Variants in ZNF208 observed in about 807,000 individuals in gnomAD.
ZNF208 encodes zinc finger protein 95.
In ZNF208, 10 loss-of-function variants were observed where a neutral mutation model predicts 12.1. The ratio of observed to expected loss-of-function variants is 0.83; its 90% CI spans 0.51 to 1.40. The LOEUF (loss-of-function observed/expected upper bound fraction) is 1.40. Ranked by LOEUF, ZNF208 falls within the 40% of genes most tolerant of loss-of-function variation. The pLI, the probability that ZNF208 is intolerant of heterozygous loss-of-function variation, is 0.00. For synonymous variants in ZNF208, 497 were observed against 488.4 expected (o/e 1.02, Z -0.23); for missense variants, 1,652 against 1,485.0 (o/e 1.11, Z -1.85).
intron 1 of ZNF208, among the ~76,000 whole-genome samples, chr19:22,003,217 A>C (rs1419367654): frequency 6.6e-6 from 1 of 152,236 alleles, no homozygotes; most frequent in Non-Finnish European, 1.5e-5. Flanking sequence ...TTAATCTTAA[A>C]AAGGATATAT....
chr19:21,952,525 G>T (rs1448964584), intron 4 of ZNF208, among the ~76,000 whole-genome samples: 1 of 152,216 alleles, frequency 6.6e-6, no homozygotes, highest in Admixed American at 6.5e-5. Flanking sequence ...TGATACCCAG[G>T]CACTCAGGGT....
chr19:21,973,796 G>C lies in ZNF208; in HGVS notation c.1238C>G (p.Thr413Ser). 6.2e-7 allele frequency: 1 copy of C among 1,605,270 alleles called. No homozygotes were observed. The change falls in exon 4 of 4, where the codon ACT becomes AGT. Residue 413 changes from threonine to serine, a missense_variant. Transcript: ENST00000397126. The stretch of plus-strand genomic sequence containing the variant: ...TCCAGTATGAATGACCTCATGTTTA[G>C]TAAGGATTGAGAACATACTAAAACC... ...GKGFSMFSIL[T>S]KHEVIHTGEK...
At chr19:22,000,726 A>G (rs1289511855) in intron 1 of ZNF208, among the ~76,000 whole-genome samples, 11 of 152,160 alleles carry the variant, frequency 7.2e-5, no homozygotes, top group Non-Finnish European at 1.5e-4. Flanking sequence ...GAACTGAAGG[A>G]GATTTAGACA....
At position 21,972,633 on chromosome 19, in the gene ZNF208, C is replaced by G; in HGVS notation, c.2401G>C (p.Asp801His). The stretch of plus-strand genomic sequence containing the variant: ...TCTTCACATTTGTAGGGTTTCTCAT[C>G]AGTATGAATTCTCTTATGTTTAATA... ...ILIKHKRIHT[D>H]EKPYKCEECG... The change falls in exon 4 of 4, where the codon GAT becomes CAT. Residue 801 changes from aspartate to histidine, a missense_variant. Physicochemically the swap from Asp to His is moderately conservative, Grantham distance 81. Coordinates refer to ENST00000397126, the MANE Select transcript of ZNF208 (RefSeq NM_007153.3). 1.9e-6 allele frequency: 3 copies of G among 1,613,196 alleles called. No individual in the cohort carries two copies.
At chr19:21,960,375 TA>T (rs903418754) in intron 4 of ZNF208, among the ~76,000 whole-genome samples, 2 of 151,534 alleles carry the variant, frequency 1.3e-5, no homozygotes, top group African/African-American at 2.4e-5. Context: ...TTTCTAGAAA[TA>T]AAAAAAGAGA....
chr19:21,987,994 A>G (rs1599624969), intron 2 of ZNF208, among the ~76,000 whole-genome samples: 2 of 152,090 alleles, frequency 1.3e-5, no homozygotes, highest in African/African-American at 4.8e-5. Context: ...TGTACCCTAC[A>G]GGTGGTATTG....
chr19:22,000,990 C>A (rs540095375), intron 1 of ZNF208, among the ~76,000 whole-genome samples: 3 of 152,134 alleles, frequency 2.0e-5, no homozygotes, highest in South Asian at 4.2e-4. Context: ...CACACACACA[C>A]AAAAATCAAA....
At chr19:22,002,115 A>T (rs1010588154) in intron 1 of ZNF208, among the ~76,000 whole-genome samples, 1 of 152,120 alleles carries the variant, frequency 6.6e-6, no homozygotes, top group South Asian at 2.1e-4. Context: ...TTATCTCAAT[A>T]GATGCACAAA....
intron 1 of ZNF208, among the ~76,000 whole-genome samples, chr19:22,003,686 T>C (rs1970995211): frequency 6.6e-6 from 1 of 152,130 alleles, no homozygotes; most frequent in Non-Finnish European, 1.5e-5. Flanking sequence ...AAAAGCAGTG[T>C]GGTGATTCCT....
rs532512751 is a variant in ZNF208 at position 21,991,889 on chromosome 19, AT to A, written c.4-2981del. On this transcript the variant is annotated intron_variant, in intron 1 of 3. Transcript: ENST00000397126. ...CAAGCTAGAGATCCTGTTAATGCAG[AT>A]TTTTTTTTTCCAGAAGATCTGAGAT... Among the ~76,000 whole-genome samples the A allele has an allele frequency of 1.4e-3, 214 of 150,724 alleles. 3 individuals carry two copies. The South Asian group carries it at 0.022, about 15-fold the overall frequency.
intron 2 of ZNF208, among the ~76,000 whole-genome samples, chr19:21,988,344 T>C (rs1970661722): frequency 6.6e-6 from 1 of 152,178 alleles, no homozygotes; most frequent in South Asian, 2.1e-4. Context: ...CAACTCAGCA[T>C]TCCACTGGAG....
chr19:21,961,445 T>C (rs534112163), downstream of ZNF208, among the ~76,000 whole-genome samples: 14 of 152,260 alleles, frequency 9.2e-5, no homozygotes, highest in African/African-American at 3.1e-4. Context: ...TTAGCATTAC[T>C]GATGAGGGTC....
Position 21,967,210 on chromosome 19 carries a change from ATTGAG to A in ZNF208, c.*3976_*3980del, listed in dbSNP as rs1210084608. The A allele has an allele frequency of 1.3e-5, 2 of 151,890 alleles. No homozygotes were observed. The highest frequency in any genetic ancestry group is 4.8e-5 in the African/African-American group (2 of 41,374). 9.4% of individuals were successfully genotyped at this position (151,890 alleles called of 1,614,324 possible). A position where few individuals can be genotyped will look rare whatever the true frequency, so the allele number is the denominator to read the frequency against. The stretch of plus-strand genomic sequence containing the variant: ...CTCACAGATCAAGTCTTTAATCTAT[ATTGAG>A]TTGTTTTTTTTTTATAGAAAAAGGT... On this transcript the variant is annotated 3_prime_UTR_variant, in exon 4 of 4. Coordinates refer to ENST00000397126, the MANE Select transcript of ZNF208 (RefSeq NM_007153.3).
chr19:21,959,666 T>C (rs577289326), intron 4 of ZNF208, among the ~76,000 whole-genome samples: 3 of 152,304 alleles, frequency 2.0e-5, no homozygotes, highest in Admixed American at 6.5e-5. Context: ...ATTTGTCAAT[T>C]GTTTGAAGAT....
chr19:21,950,644 C>T (rs61659969), intron 4 of ZNF208, among the ~76,000 whole-genome samples: 1,739 of 152,158 alleles, frequency 0.011, 34 homozygotes, highest in African/African-American at 0.04. Context: ...CAGGCATCTG[C>T]CACCACACCC....
chr19:21,978,137 T>A (rs1198030761), intron 3 of ZNF208, among the ~76,000 whole-genome samples: 2 of 152,136 alleles, frequency 1.3e-5, no homozygotes, highest in Non-Finnish European at 2.9e-5. Context: ...GGGACAGCTG[T>A]GAGTGCAGCT....
chr19:21,959,991 T>C (rs1312132165), intron 4 of ZNF208, among the ~76,000 whole-genome samples: 2 of 152,112 alleles, frequency 1.3e-5, no homozygotes, highest in Non-Finnish European at 2.9e-5. Flanking sequence ...TAGAGTAAAA[T>C]ACACATTAAA....
intron 1 of ZNF208, among the ~76,000 whole-genome samples, chr19:22,001,480 G>T (rs1044937032): frequency 4.6e-5 from 7 of 152,032 alleles, no homozygotes; most frequent in African/African-American, 1.7e-4. Context: ...TTAAAAAGAA[G>T]AAACTCCTCT....
At chr19:21,976,800 A>C (rs577056830) in intron 3 of ZNF208, among the ~76,000 whole-genome samples, 2 of 152,306 alleles carry the variant, frequency 1.3e-5, no homozygotes, top group East Asian at 1.9e-4. Flanking sequence ...ACCTCAGGTG[A>C]TCTACCTGCC....
Sources: gnomAD v4.1 joint callset for allele counts (sites outside exome capture counted in the v4.1 genomes callset) on GRCh38, gnomAD v4.1.1 for gene constraint, MANE v1.5 for transcripts, NCBI Gene and HGNC (gene_info 2026-07-23, HGNC 2026-07-21) for gene names.